Variants in AGBL4 observed in about 807,000 individuals in gnomAD.
The protein encoded by AGBL4 is cytosolic carboxypeptidase 6.
AGBL4 carries 58 observed loss-of-function variants against 66.4 expected under a neutral mutation model. The observed-to-expected ratio is 0.87, with a 90% CI of 0.71 to 1.09. The LOEUF is 1.09. Among genes scored for constraint, AGBL4 ranks in the 50% least tolerant of loss-of-function variants. AGBL4 has a pLI of 0.00. For missense variants in AGBL4, 579 were observed against 631.0 expected, an observed-to-expected ratio of 0.92 and a Z score of 0.88; for synonymous variants, 234 against 222.9, an observed-to-expected ratio of 1.05 and a Z score of -0.44.
chr1:48,956,032 A>G (rs1033027616), intron 5 of AGBL4, among the ~76,000 whole-genome samples: 1 of 152,214 alleles, frequency 6.6e-6, no homozygotes, highest in East Asian at 1.9e-4. Flanking sequence ...GTTTGCTGCA[A>G]TAGGGAGCAA....
intron 5 of AGBL4, among the ~76,000 whole-genome samples, chr1:48,894,863 G>A (rs1010380615): frequency 5.9e-5 from 9 of 152,166 alleles, no homozygotes; most frequent in African/African-American, 2.2e-4. Context: ...CCAGTACGTA[G>A]GGAGACAGGA....
intron 6 of AGBL4, among the ~76,000 whole-genome samples, chr1:48,740,637 T>A (rs925500875): frequency 2.6e-5 from 4 of 152,166 alleles, no homozygotes; most frequent in Non-Finnish European, 4.4e-5. Context: ...TGGAACTTGA[T>A]CAAAATATAT....
chr1:49,482,499 T>G (rs1009438269), intron 3 of AGBL4, among the ~76,000 whole-genome samples: 2 of 152,020 alleles, frequency 1.3e-5, no homozygotes, highest in Non-Finnish European at 2.9e-5. Context: ...TTTTTAATTG[T>G]TTTTATATAA....
intron 4 of AGBL4, among the ~76,000 whole-genome samples, chr1:49,108,618 A>G (rs1332411954): frequency 6.6e-6 from 1 of 152,208 alleles, no homozygotes; most frequent in South Asian, 2.1e-4. Flanking sequence ...GGGAGGCCTC[A>G]TCTCTTTGCA....
At chr1:49,746,336 A>C (rs1478526298) in intron 2 of AGBL4, among the ~76,000 whole-genome samples, 1 of 152,058 alleles carries the variant, frequency 6.6e-6, no homozygotes, top group African/African-American at 2.4e-5. Flanking sequence ...CTAAATATTT[A>C]ATGATAACCA....
intron 3 of AGBL4, among the ~76,000 whole-genome samples, chr1:49,313,724 T>A (rs1037541479): frequency 6.6e-6 from 1 of 152,172 alleles, no homozygotes; most frequent in Non-Finnish European, 1.5e-5. Context: ...ATGGGGTTAT[T>A]TTTTTCTTGT....
rs984649681 is a variant in AGBL4 at position 48,736,577 on chromosome 1, C to A, written c.635-73336G>T. On this transcript the variant is annotated intron_variant, in intron 6 of 13. Transcript: ENST00000371839. The surrounding 1 kb of genome is among the most constrained non-coding windows in gnomAD (Gnocchi z 4.0). ...ATTCATGTCATAAATATGAAATTAA[C>A]TCTCTTTAAGGGTAATCGTAATAGC... 21 of 810,232 alleles carry A rather than the reference C, an allele frequency of 2.6e-5. No homozygotes were observed. Among genetic ancestry groups the A allele is most frequent in the Non-Finnish European group, 4.0e-5 (20 of 505,970 alleles). 50.2% of individuals were successfully genotyped at this position (810,232 alleles called of 1,614,324 possible). A position where few individuals can be genotyped will look rare whatever the true frequency, so the allele number is the denominator to read the frequency against.
intron 3 of AGBL4, among the ~76,000 whole-genome samples, chr1:49,291,187 A>G (rs1252415151): frequency 6.6e-6 from 1 of 152,198 alleles, no homozygotes; most frequent in Non-Finnish European, 1.5e-5. Flanking sequence ...ATAAATTAAT[A>G]ATTTAAACCT....
At chr1:49,072,624 T>C (rs1282720071) in intron 4 of AGBL4, among the ~76,000 whole-genome samples, 1 of 152,358 alleles carries the variant, frequency 6.6e-6, no homozygotes, top group South Asian at 2.1e-4. Flanking sequence ...GTTAGTCTGA[T>C]GGGCTTCCCT....
intron 6 of AGBL4, among the ~76,000 whole-genome samples, chr1:48,850,754 C>T (rs1030372992): frequency 4.6e-5 from 7 of 152,090 alleles, no homozygotes; most frequent in African/African-American, 1.7e-4. Flanking sequence ...TGGGCTCAAG[C>T]GATCTGCCCG....
At chr1:49,192,832 G>T (rs1052757504) in intron 4 of AGBL4, among the ~76,000 whole-genome samples, 1 of 152,096 alleles carries the variant, frequency 6.6e-6, no homozygotes, top group African/African-American at 2.4e-5. Flanking sequence ...AAGTTGGTGA[G>T]GTAACACCAC....
At chr1:49,114,316 A>G (rs549367912) in intron 4 of AGBL4, among the ~76,000 whole-genome samples, 2 of 152,266 alleles carry the variant, frequency 1.3e-5, no homozygotes, top group South Asian at 2.1e-4. Flanking sequence ...GCTAACTTCA[A>G]ACTTTTCTTC....
At chr1:49,203,082 T>C (rs2148234059) in intron 4 of AGBL4, among the ~76,000 whole-genome samples, 1 of 79,324 alleles carries the variant, frequency 1.3e-5, no homozygotes, top group Admixed American at 1.6e-4. Flanking sequence ...CTAGGATGGC[T>C]ACTATCAAAA....
chr1:48,967,709 G>C (rs550846022), intron 5 of AGBL4, among the ~76,000 whole-genome samples: 1 of 152,110 alleles, frequency 6.6e-6, no homozygotes, highest in African/African-American at 2.4e-5. Context: ...AGAAAGGCAG[G>C]ATAGACAGAA....
At chr1:48,779,704 C>CTTTTTT (rs200375125) in intron 6 of AGBL4, among the ~76,000 whole-genome samples, 4 of 137,182 alleles carry the variant, frequency 2.9e-5, no homozygotes, top group African/African-American at 1.1e-4. Flanking sequence ...CTGTTCCTCT[C>CTTTTTT]TTTTTTTTTT....
intron 1 of AGBL4, among the ~76,000 whole-genome samples, chr1:49,904,752 G>C (rs968153620): frequency 2.6e-5 from 4 of 152,132 alleles, no homozygotes; most frequent in African/African-American, 9.7e-5. Context: ...TAAACAATCA[G>C]CCTACTTTGT....
rs1339113888 is a variant in AGBL4, at chr1:48,737,451, T to C, written c.635-74210A>G. On this transcript the variant is annotated intron_variant, in intron 6 of 13. Transcript: ENST00000371839. ...TAAGGAGAGCAGCTGCCCTGCCAAT[T>C]GGAGTAGGGCTGTGCCAGTCCTTTC... Among the ~76,000 whole-genome samples the C allele has an allele frequency of 2.0e-5, 3 of 152,270 alleles. No homozygotes were observed. The East Asian group carries it at 5.8e-4, about 29-fold the overall frequency.
chr1:49,321,808 C>T (rs575102535), intron 3 of AGBL4, among the ~76,000 whole-genome samples: 37 of 152,296 alleles, frequency 2.4e-4, no homozygotes, highest in African/African-American at 2.2e-4. Flanking sequence ...TCTATATATC[C>T]TTTGCATTCA....
At chr1:50,003,097 G>A (rs1660884056) in intron 1 of AGBL4, among the ~76,000 whole-genome samples, 1 of 152,038 alleles carries the variant, frequency 6.6e-6, no homozygotes, top group Non-Finnish European at 1.5e-5. Context: ...ATATAAATTT[G>A]CTTATAATCT....
Sources: allele counts gnomAD v4.1 joint callset (sites outside exome capture counted in the v4.1 genomes callset), GRCh38; gene constraint gnomAD v4.1.1; non-coding constraint Gnocchi (gnomAD v3.1); transcripts MANE v1.5; gene names NCBI Gene and HGNC (gene_info 2026-07-23, HGNC 2026-07-21).